The following GPC3 variants were observed in gnomAD, a reference collection of about 807,000 sequenced individuals.
The protein encoded by GPC3 is glypican-3.
Under a neutral mutation model 34.4 loss-of-function variants are expected in GPC3, and 3 were observed. That is an observed-to-expected ratio of 0.09 (90% CI 0.04 to 0.23). GPC3 has a LOEUF of 0.23. GPC3 is among the 10% of genes least tolerant of loss of function. The probability of loss-of-function intolerance (pLI) is 1.00; values close to 1 mark genes in which losing one functional copy is unlikely to be tolerated. For missense variants in GPC3, 351 were observed against 445.6 expected (o/e 0.79, Z 1.91); for synonymous variants, 177 against 174.0 (o/e 1.02, Z -0.13).
chrX:133,552,421 C>T (rs2069443274), intron 7 of GPC3, among the ~76,000 whole-genome samples: 1 of 111,661 alleles, frequency 9.0e-6, no homozygotes, highest in South Asian at 3.8e-4. Flanking sequence ...GGGAGGAGGG[C>T]TTTAAATCAG....
At chrX:133,966,291 G>T (rs1305153416) in intron 1 of GPC3, among the ~76,000 whole-genome samples, 1 of 112,077 alleles carries the variant, frequency 8.9e-6, no homozygotes, top group East Asian at 2.8e-4. Flanking sequence ...AATCATAAAG[G>T]GAGCTAGGCA....
At chrX:133,893,920 C>T (rs938489056) in intron 2 of GPC3, among the ~76,000 whole-genome samples, 3 of 111,205 alleles carry the variant, frequency 2.7e-5, no homozygotes, top group Middle Eastern at 4.2e-3. Context: ...GGTACGATCT[C>T]GGCTCACTGA....
chrX:133,617,139 G>A (rs2070175606), intron 6 of GPC3, among the ~76,000 whole-genome samples: 1 of 111,869 alleles, frequency 8.9e-6, no homozygotes, highest in South Asian at 3.8e-4. Flanking sequence ...TATGACAAAA[G>A]TGAACCCTAC....
At chrX:133,869,958 AAAAT>A (rs779084877) in intron 2 of GPC3, among the ~76,000 whole-genome samples, 4 of 111,950 alleles carry the variant, frequency 3.6e-5, no homozygotes, top group South Asian at 3.7e-4. Context: ...CCGTCTCAAA[AAAAT>A]AAATAAATAA....
chrX:133,720,138 A>G (rs1487532120), intron 3 of GPC3, among the ~76,000 whole-genome samples: 1 of 112,126 alleles, frequency 8.9e-6, no homozygotes, highest in Non-Finnish European at 1.9e-5. Flanking sequence ...CACTATGGAA[A>G]ACAGTATGGA....
At chrX:133,808,959 T>C (rs751986996) in intron 2 of GPC3, among the ~76,000 whole-genome samples, 16 of 112,183 alleles carry the variant, frequency 1.4e-4, no homozygotes, top group Non-Finnish European at 2.8e-4. Context: ...CCAAATGCAT[T>C]AGAAAAGTTG....
chrX:133,873,544 A>C (rs1047224827), intron 2 of GPC3, among the ~76,000 whole-genome samples: 2 of 111,550 alleles, frequency 1.8e-5, no homozygotes, highest in East Asian at 5.6e-4. Context: ...GGGTGATGAG[A>C]CAGAACAAAG....
intron 6 of GPC3, among the ~76,000 whole-genome samples, chrX:133,614,945 T>C (rs1322403747): frequency 2.7e-5 from 3 of 111,381 alleles, no homozygotes; most frequent in Non-Finnish European, 5.7e-5. Context: ...TTAGATAGCT[T>C]AGACGAAATA....
chrX:133,587,305 C>T (rs1356836360), intron 7 of GPC3, among the ~76,000 whole-genome samples: 12 of 111,713 alleles, frequency 1.1e-4, no homozygotes, highest in African/African-American at 1.6e-4. Context: ...TTTTACTCCA[C>T]GGCGTACATA....
At position 133,753,766 on chromosome X, in the gene GPC3, T is replaced by C; in HGVS notation, c.748A>G (p.Lys250Glu). ...INTTDHLKFS[K>E]DCGRMLTRMW... ...CTGGTGAGCATTCGGCCACAGTCCT[T>C]ACTGAACTTCAGGTGATCAGTTGTG... Residue 250 changes from lysine to glutamate, a missense_variant, in exon 3 of 8, where the codon AAG becomes GAG. Lys to Glu is a moderately conservative substitution (Grantham distance 56). Transcript: ENST00000370818. The C allele has an allele frequency of 8.3e-7, 1 of 1,211,835 alleles. No homozygotes were observed. Among genetic ancestry groups the C allele is most frequent in the Non-Finnish European group, 1.1e-6 (1 of 895,399 alleles).
intron 2 of GPC3, among the ~76,000 whole-genome samples, chrX:133,802,022 G>A (rs956650441): frequency 3.6e-5 from 4 of 111,763 alleles, no homozygotes; most frequent in East Asian, 2.8e-4. Flanking sequence ...ATTTCTGTTC[G>A]CCATTCCCAA....
chrX:133,681,996 G>T (rs2070948756), intron 5 of GPC3, among the ~76,000 whole-genome samples: 1 of 112,111 alleles, frequency 8.9e-6, no homozygotes, highest in Admixed American at 9.4e-5. Flanking sequence ...TCTCTGAGGG[G>T]TGAATATAAA....
chrX:133,790,681 T>G (rs760494062), intron 2 of GPC3, among the ~76,000 whole-genome samples: 1 of 111,372 alleles, frequency 9.0e-6, no homozygotes, highest in Admixed American at 9.6e-5. Flanking sequence ...TTAAAAGGCC[T>G]GTCCACAATT....
At position 133,536,228 on chromosome X, in the gene GPC3, T is replaced by C. The variant is rs773437908; in HGVS notation, c.1639A>G (p.Asn547Asp). 10 of 1,203,494 alleles carry C rather than the reference T, an allele frequency of 8.3e-6. No homozygotes were observed. Among genetic ancestry groups the C allele is most frequent in the Non-Finnish European group, 5.6e-6 (5 of 888,969 alleles). ...GNSQQATPKD[N>D]EISTFHNLGN... is the part of the protein sequence containing the mutation. ...AGGTTGTGAAAGGTGCTTATCTCGT[T>C]GTCCTTCGGAGTTGCCTGCTGACTG... The change falls in exon 8 of 8, where the codon AAC becomes GAC. Residue 547 changes from asparagine (N) to aspartate (D), a missense_variant. Physicochemically the swap from Asn to Asp is conservative, Grantham distance 23. Transcript: ENST00000370818.
intron 3 of GPC3, among the ~76,000 whole-genome samples, chrX:133,712,922 T>G (rs894793935): frequency 9.0e-6 from 1 of 111,664 alleles, no homozygotes; most frequent in African/African-American, 3.3e-5. Flanking sequence ...CCCTGTAGAT[T>G]TGACATTGCT....
intron 3 of GPC3, among the ~76,000 whole-genome samples, chrX:133,751,077 A>C (rs1025494913): frequency 2.4e-4 from 19 of 79,856 alleles, no homozygotes; most frequent in Non-Finnish European, 3.6e-4. Flanking sequence ...TGTCTCAAAA[A>C]TAAATAAATA....
intron 7 of GPC3, among the ~76,000 whole-genome samples, chrX:133,572,999 C>T (rs978093546): frequency 3.6e-5 from 4 of 111,712 alleles, no homozygotes; most frequent in Non-Finnish European, 5.7e-5. Flanking sequence ...TAAACACAAA[C>T]GTTCTCAACA....
intron 2 of GPC3, among the ~76,000 whole-genome samples, chrX:133,888,866 A>G (rs1464007535): frequency 8.9e-6 from 1 of 112,239 alleles, no homozygotes; most frequent in African/African-American, 3.2e-5. Context: ...ATGTCAACAC[A>G]CAAACTAATT....
At chrX:133,757,054 G>A (rs73564943) in intron 2 of GPC3, among the ~76,000 whole-genome samples, 2,847 of 112,385 alleles carry the variant, frequency 0.025, 94 homozygotes, top group African/African-American at 0.086. Context: ...ACTAGGGGAG[G>A]TTTCCCTCTG....
Sources: allele counts gnomAD v4.1 joint callset (sites outside exome capture counted in the v4.1 genomes callset), GRCh38; gene constraint gnomAD v4.1.1; transcripts MANE v1.5; gene names NCBI Gene and HGNC (gene_info 2026-07-23, HGNC 2026-07-21).